Variants in SLC24A2 observed in about 807,000 individuals in gnomAD.
SLC24A2 encodes the protein solute carrier family 24 member 2.
In SLC24A2, 36 loss-of-function variants were observed where a neutral mutation model predicts 62.0. The observed-to-expected ratio is 0.58, with a 90% CI of 0.44 to 0.77. The LOEUF (loss-of-function observed/expected upper bound fraction) is 0.77. Ranked by LOEUF, SLC24A2 falls within the 30% of genes least tolerant of loss-of-function variation. SLC24A2 has a pLI of 0.00. For missense variants in SLC24A2, 846 were observed against 817.9 expected (o/e 1.03, Z -0.42); for synonymous variants, 358 against 294.0 (o/e 1.22, Z -2.23).
At chr9:19,938,898 A>AAAACAAAC in the SLC24A2 span, among the ~76,000 whole-genome samples, 3 of 151,558 alleles carry the variant, frequency 2.0e-5, no homozygotes, top group Non-Finnish European at 2.9e-5. Context: ...TGTACAAAAC[A>AAAACAAAC]AAACAAACAA....
the SLC24A2 span, among the ~76,000 whole-genome samples, chr9:19,978,421 T>C: frequency 6.6e-6 from 1 of 152,054 alleles, no homozygotes; most frequent in Non-Finnish European, 1.5e-5. Flanking sequence ...TCTTTTTTTT[T>C]TAAAGAATGT....
chr9:20,113,717 A>T, the SLC24A2 span, among the ~76,000 whole-genome samples: 10 of 152,262 alleles, frequency 6.6e-5, no homozygotes, highest in East Asian at 1.9e-3. Flanking sequence ...AACAGCATAT[A>T]TATACTCTTG....
At chr9:20,284,512 G>A in the SLC24A2 span, among the ~76,000 whole-genome samples, 1 of 139,278 alleles carries the variant, frequency 7.2e-6, no homozygotes, top group Non-Finnish European at 1.5e-5. Flanking sequence ...ATTTAGCCAT[G>A]TCAATAAGCT....
intron 2 of SLC24A2, among the ~76,000 whole-genome samples, chr9:19,681,050 AAT>A (rs1384802243): frequency 1.3e-5 from 2 of 152,030 alleles, no homozygotes; most frequent in Admixed American, 6.6e-5. Flanking sequence ...ATGTTGTCAG[AAT>A]ATATTTCTCC....
the SLC24A2 span, among the ~76,000 whole-genome samples, chr9:20,176,238 A>C: frequency 1.3e-5 from 2 of 152,046 alleles, no homozygotes; most frequent in South Asian, 2.1e-4. Context: ...CTTTTCTTCT[A>C]TTTGCCCCAA....
chr9:20,155,315 C>CCCTCG, the SLC24A2 span, among the ~76,000 whole-genome samples: 1,603 of 151,856 alleles, frequency 0.011, 37 homozygotes, highest in African/African-American at 0.035. Context: ...ATCACCTTTA[C>CCCTCG]CCTCGCCTCC....
intron 2 of SLC24A2, among the ~76,000 whole-genome samples, chr9:19,734,665 C>G (rs183946445): frequency 1.3e-5 from 2 of 152,260 alleles, no homozygotes; most frequent in East Asian, 1.9e-4. Flanking sequence ...TGGGAGTTCA[C>G]TCATGATTTG....
At chr9:19,890,792 C>A in the SLC24A2 span, among the ~76,000 whole-genome samples, 2 of 152,114 alleles carry the variant, frequency 1.3e-5, no homozygotes, top group Non-Finnish European at 2.9e-5. Flanking sequence ...ACTACAGGCA[C>A]GTACCATCCC....
the SLC24A2 span, among the ~76,000 whole-genome samples, chr9:19,835,223 C>A: frequency 6.6e-6 from 1 of 152,208 alleles, no homozygotes; most frequent in South Asian, 2.1e-4. Flanking sequence ...TCACACATAA[C>A]AATACTAACC....
At chr9:19,733,783 G>A (rs1343005312) in intron 2 of SLC24A2, among the ~76,000 whole-genome samples, 1 of 152,162 alleles carries the variant, frequency 6.6e-6, no homozygotes, top group African/African-American at 2.4e-5. Context: ...ACCTACGTTT[G>A]TGGTTTAACA....
At chr9:20,083,122 G>C in the SLC24A2 span, among the ~76,000 whole-genome samples, 1 of 152,218 alleles carries the variant, frequency 6.6e-6, no homozygotes, top group Non-Finnish European at 1.5e-5. Context: ...CAGAGCTTCT[G>C]AAACTTTTGT....
the SLC24A2 span, among the ~76,000 whole-genome samples, chr9:20,190,812 C>A: frequency 4.6e-4 from 70 of 152,262 alleles, 1 homozygote; most frequent in African/African-American, 1.6e-3. Flanking sequence ...TATGTAAATT[C>A]TCTGAGTGTT....
intron 2 of SLC24A2, among the ~76,000 whole-genome samples, chr9:19,765,611 G>A (rs1380611912): frequency 6.6e-6 from 1 of 152,184 alleles, no homozygotes; most frequent in African/African-American, 2.4e-5. Flanking sequence ...CTTTAAGAAT[G>A]TTGAATATTG....
At chr9:19,895,877 C>T in the SLC24A2 span, 144 of 1,612,808 alleles carry the variant, frequency 8.9e-5, 1 homozygote, top group African/African-American at 1.4e-3. Context: ...AGCAGGGCCT[C>T]GGCCAGTGTG....
At chr9:19,726,706 G>A (rs1821181286) in intron 2 of SLC24A2, among the ~76,000 whole-genome samples, 1 of 152,162 alleles carries the variant, frequency 6.6e-6, no homozygotes, top group East Asian at 1.9e-4. Flanking sequence ...ATTACAGGAT[G>A]GCATTATTCA....
chr9:19,754,642 G>A (rs1587272388), intron 2 of SLC24A2, among the ~76,000 whole-genome samples: 1 of 142,890 alleles, frequency 7.0e-6, no homozygotes, highest in Non-Finnish European at 1.6e-5. Flanking sequence ...GAAATCATGG[G>A]AGGATTTTTT....
intron 2 of SLC24A2, among the ~76,000 whole-genome samples, chr9:19,674,181 G>C (rs1472461552): frequency 6.6e-6 from 1 of 152,152 alleles, no homozygotes; most frequent in Non-Finnish European, 1.5e-5. Flanking sequence ...TTCTAAGAAG[G>C]CTGAAGATAG....
chr9:20,208,245 TG>T, the SLC24A2 span, among the ~76,000 whole-genome samples: 10 of 152,132 alleles, frequency 6.6e-5, no homozygotes, highest in Non-Finnish European at 1.2e-4. Context: ...TTAACGTGGC[TG>T]GGGTAGAAGT....
At chr9:20,199,722 CTTTTT>C in the SLC24A2 span, among the ~76,000 whole-genome samples, 1 of 145,590 alleles carries the variant, frequency 6.9e-6, no homozygotes, top group African/African-American at 2.5e-5. Context: ...TTTTTTCTTT[CTTTTT>C]TTTTTTTTTC....
Sources: allele counts gnomAD v4.1 joint callset (sites outside exome capture counted in the v4.1 genomes callset), GRCh38; gene constraint gnomAD v4.1.1; transcripts MANE v1.5; gene names NCBI Gene and HGNC (gene_info 2026-07-23, HGNC 2026-07-21).